The following MINDY3 variants were observed in gnomAD, a reference collection of about 807,000 sequenced individuals.
The protein encoded by MINDY3 is MINDY lysine 48 deubiquitinase 3.
Under a neutral mutation model 69.2 loss-of-function variants are expected in MINDY3, and 38 were observed. That is an observed-to-expected ratio of 0.55 (90% CI 0.42 to 0.72). The LOEUF (loss-of-function observed/expected upper bound fraction) is 0.72, where lower values mean the gene tolerates loss of function less well. MINDY3 is among the 30% of genes least tolerant of loss of function. The pLI is 0.00. For synonymous variants in MINDY3, 192 were observed against 180.1 expected (o/e 1.07, Z -0.53); for missense variants, 522 against 519.0 (o/e 1.01, Z -0.06).
chr10:15,817,915 T>C (rs1479380996), intron 9 of MINDY3: 2 of 152,158 alleles, frequency 1.3e-5, no homozygotes, highest in African/African-American at 4.8e-5. Flanking sequence ...GAGAAACTAG[T>C]ATTTTTGTCC....
chr10:15,802,893 ACT>A (rs1838365584), intron 10 of MINDY3, among the ~76,000 whole-genome samples: 1 of 152,120 alleles, frequency 6.6e-6, no homozygotes, highest in African/African-American at 2.4e-5. Flanking sequence ...TTAGGCAATA[ACT>A]CTTAATCACA....
chr10:15,857,885 T>G, intron 1 of MINDY3: 5 of 916,084 alleles, frequency 5.5e-6, no homozygotes, highest in Non-Finnish European at 6.5e-6. Flanking sequence ...TGTATAAATA[T>G]TCATGCCAAA....
rs552955210 is a variant in MINDY3 at position 15,847,230 on chromosome 10, A to G, written c.174+634T>C. On this transcript the variant is annotated intron_variant, in intron 2 of 14. Transcript: ENST00000277632. ...CAATTCTTGGTTTTAACAATTTAAC[A>G]GTTTATAGCGAATCAGCCTTTGAAA... Among the ~76,000 whole-genome samples the G allele has an allele frequency of 2.6e-5, 4 of 152,358 alleles. No homozygotes were observed. The East Asian group carries it at 5.8e-4, about 22-fold the overall frequency.
intron 5 of MINDY3, chr10:15,837,832 AT>A (rs1833192518): frequency 1.0e-6 from 1 of 971,246 alleles, no homozygotes; most frequent in African/African-American, 1.8e-5. Flanking sequence ...AAAAGTTTAA[AT>A]GCTCTAACAA....
intron 8 of MINDY3, among the ~76,000 whole-genome samples, chr10:15,830,831 C>G (rs1300374551): frequency 6.6e-6 from 1 of 152,098 alleles, no homozygotes; most frequent in Admixed American, 6.5e-5. Context: ...GCGATGCGGG[C>G]AAGGAAATTC....
chr10:15,789,304 GGTAT>G lies in MINDY3; in HGVS notation c.967_970del (p.Ile323ProfsTer8). On this transcript the variant is annotated frameshift_variant, in exon 12 of 15. Coordinates refer to ENST00000277632, the MANE Select transcript of MINDY3 (RefSeq NM_024948.4). LOFTEE classifies it high-confidence loss of function. ...CATCACATCTTCCAGAAGTGAATCG[GGTAT>G]GAATCCATTATCTAGGGGGGAAAAA... The G allele has an allele frequency of 1.2e-6, 2 of 1,610,596 alleles. No homozygotes were observed. Among genetic ancestry groups the G allele is most frequent in the South Asian group, 2.2e-5 (2 of 90,894 alleles).
intron 14 of MINDY3, among the ~76,000 whole-genome samples, chr10:15,780,813 T>C (rs1217727290): frequency 2.0e-5 from 3 of 152,124 alleles, no homozygotes; most frequent in South Asian, 4.2e-4. Context: ...GTCACAAACA[T>C]GATTTGAAAA....
intron 3 of MINDY3, 104 bp from the exon 4 acceptor site, chr10:15,841,703 T>C: frequency 3.3e-6 from 2 of 607,830 alleles, no homozygotes; most frequent in Non-Finnish European, 5.3e-6. Flanking sequence ...AAATCAAGCA[T>C]TTTAAAAATG....
At chr10:15,801,959 A>G (rs1031723280) in intron 10 of MINDY3, among the ~76,000 whole-genome samples, 3 of 151,926 alleles carry the variant, frequency 2.0e-5, no homozygotes, top group Admixed American at 2.0e-4. Context: ...AGTGCTGGAC[A>G]ATGAGGAAGA....
intron 1 of MINDY3, among the ~76,000 whole-genome samples, chr10:15,852,303 T>C (rs1385226702): frequency 1.3e-5 from 2 of 152,166 alleles, no homozygotes. Flanking sequence ...ATGGCAGTGT[T>C]TGTTTCTAGG....
chr10:15,778,541 C>G lies in MINDY3; in HGVS notation c.*451G>C, dbSNP rs894004393. Reference sequence around the variant, plus strand: ...TCAATATTTCTAATGAAAAACAGATCTTAGAAAAATGAACTCTTCTGCATT... The same window carrying G: ...TCAATATTTCTAATGAAAAACAGATGTTAGAAAAATGAACTCTTCTGCATT... On this transcript the variant is annotated 3_prime_UTR_variant, in exon 15 of 15. Coordinates refer to ENST00000277632, the MANE Select transcript of MINDY3 (RefSeq NM_024948.4). The G allele has an allele frequency of 1.3e-5, 2 of 152,528 alleles. No individual in the cohort carries two copies. Among genetic ancestry groups the G allele is most frequent in the African/African-American group, 4.8e-5 (2 of 41,428 alleles). 9.4% of individuals were successfully genotyped at this position (152,528 alleles called of 1,614,324 possible). A position where few individuals can be genotyped will look rare whatever the true frequency, so the allele number is the denominator to read the frequency against.
At chr10:15,826,264 T>A (rs1166695977) in intron 8 of MINDY3, among the ~76,000 whole-genome samples, 1 of 152,126 alleles carries the variant, frequency 6.6e-6, no homozygotes, top group African/African-American at 2.4e-5. Flanking sequence ...TCTCACTGAG[T>A]TTGAAAAATA....
intron 13 of MINDY3, 134 bp from the exon 14 acceptor site, chr10:15,782,360 T>C (rs1245315094): frequency 1.6e-6 from 1 of 643,142 alleles, no homozygotes; most frequent in Non-Finnish European, 2.6e-6. Context: ...AAGAAGGAAC[T>C]TAGGTTTATG....
At chr10:15,780,991 C>T (rs771900414) in intron 14 of MINDY3, among the ~76,000 whole-genome samples, 47 of 152,106 alleles carry the variant, frequency 3.1e-4, no homozygotes, top group Admixed American at 1.8e-3. Context: ...TAATATTTGA[C>T]CTATCTTGCA....
chr10:15,803,399 T>G (rs959726918), intron 10 of MINDY3, among the ~76,000 whole-genome samples: 9 of 152,304 alleles, frequency 5.9e-5, no homozygotes, highest in Admixed American at 5.9e-4. Flanking sequence ...AGAGCAAGTA[T>G]AGAATTACAT....
Position 15,816,823 on chromosome 10 carries a change from C to T in MINDY3, c.882+12G>A, listed in dbSNP as rs1318240719. The T allele has an allele frequency of 1.9e-6, 3 of 1,593,764 alleles. No homozygotes were observed. The highest frequency in any genetic ancestry group is 2.2e-5 in the East Asian group (1 of 44,626). On this transcript the variant is annotated intron_variant, in intron 10 of 14. Coordinates refer to ENST00000277632, the MANE Select transcript of MINDY3 (RefSeq NM_024948.4). The stretch of plus-strand genomic sequence containing the variant: ...TGTCATAACTTAAAAAAAAATCCTG[C>T]TATAAGCATACCTTGGCAAAAAATA...
intron 8 of MINDY3, among the ~76,000 whole-genome samples, chr10:15,828,962 G>C (rs528833424): frequency 3.3e-5 from 5 of 152,138 alleles, no homozygotes; most frequent in Non-Finnish European, 7.4e-5. Context: ...ATAACATATG[G>C]AGTAATACTT....
At chr10:15,800,638 G>A (rs771823165) in intron 10 of MINDY3, among the ~76,000 whole-genome samples, 1 of 152,084 alleles carries the variant, frequency 6.6e-6, no homozygotes, top group East Asian at 1.9e-4. Flanking sequence ...TAGTGATGCC[G>A]GAAGTTCTCC....
At chr10:15,785,657 G>A (rs1355804779) in intron 13 of MINDY3, among the ~76,000 whole-genome samples, 2 of 152,104 alleles carry the variant, frequency 1.3e-5, no homozygotes, top group African/African-American at 4.8e-5. Context: ...AAGTCCAGTA[G>A]TCTACATTGT....
Sources: allele counts gnomAD v4.1 joint callset (sites outside exome capture counted in the v4.1 genomes callset), GRCh38; gene constraint gnomAD v4.1.1; transcripts MANE v1.5; gene names NCBI Gene and HGNC (gene_info 2026-07-23, HGNC 2026-07-21).